The following MTSS1 variants were observed in gnomAD, a reference collection of about 807,000 sequenced individuals.
MTSS1 encodes MTSS I-BAR domain containing 1.
MTSS1 carries 18 observed loss-of-function variants against 79.0 expected under a neutral mutation model. The ratio of observed to expected loss-of-function variants is 0.23; its 90% CI spans 0.16 to 0.34. The LOEUF is 0.34. Ranked by LOEUF, MTSS1 falls within the 10% of genes least tolerant of loss-of-function variation. The pLI is 1.00. For synonymous variants in MTSS1, 341 were observed against 368.6 expected, an observed-to-expected ratio of 0.93 and a Z score of 0.86; for missense variants, 815 against 986.2, an observed-to-expected ratio of 0.83 and a Z score of 2.33.
Position 124,659,712 on chromosome 8 carries a change from C to A in MTSS1, c.208+39814G>T, listed in dbSNP as rs542913001. ...CAAGGGGACCATGTAATGTGCCTAG[C>A]ATTCATCCTGGATTCTCTACTCAAG... is the stretch of plus-strand genomic sequence containing the variant. On this transcript the variant is annotated intron_variant, in intron 3 of 13. Coordinates refer to ENST00000518547, the MANE Select transcript of MTSS1 (RefSeq NM_014751.6). Among the ~76,000 whole-genome samples, 3 of 152,280 alleles carry A rather than the reference C, an allele frequency of 2.0e-5. No individual in the cohort carries two copies. The South Asian group carries it at 6.2e-4, about 32-fold the overall frequency.
intron 9 of MTSS1, among the ~76,000 whole-genome samples, chr8:124,564,523 G>A (rs1825950968): frequency 1.3e-5 from 2 of 152,122 alleles, no homozygotes; most frequent in South Asian, 4.1e-4. Context: ...GGGACCGACA[G>A]TAAAGCTCAC....
rs1818512159 is a variant in MTSS1, at chr8:124,643,794, T to C, written c.209-52559A>G. On this transcript the variant is annotated intron_variant, in intron 3 of 13. Coordinates refer to ENST00000518547, the MANE Select transcript of MTSS1 (RefSeq NM_014751.6). ...TATTTAAAATAGTATGTACCCATTG[T>C]GTCTATAAATATTAGGAGAAAAGTA... Among the ~76,000 whole-genome samples, 3 of 152,004 alleles carry C rather than the reference T, an allele frequency of 2.0e-5. No individual in the cohort carries two copies. In the South Asian group the frequency reaches 6.2e-4, roughly 32 times the overall value.
intron 3 of MTSS1, among the ~76,000 whole-genome samples, chr8:124,644,979 T>C (rs1355115919): frequency 6.6e-6 from 1 of 152,188 alleles, no homozygotes; most frequent in Non-Finnish European, 1.5e-5. Context: ...GCCTACTATA[T>C]ATGTGGCATT....
rs566124936 is a variant in MTSS1, at chr8:124,698,092, C to T, written c.208+1434G>A. ...TCATTTTCCCCACTCAATTGTAAGC[C>T]GCTCCAGGACAAGGAGAGTCATATT... On this transcript the variant is annotated intron_variant, in intron 3 of 13. Transcript: ENST00000518547. 1.6e-4 allele frequency: 25 copies of T among 152,302 alleles called. No individual in the cohort carries two copies. The South Asian group carries it at 4.6e-3, about 28-fold the overall frequency. The allele number at this position is 152,302 out of a possible 1,614,324, so 9.4% of individuals were successfully genotyped here.
chr8:124,694,886 G>A (rs1373782990), intron 3 of MTSS1, among the ~76,000 whole-genome samples: 2 of 152,090 alleles, frequency 1.3e-5, no homozygotes, highest in Non-Finnish European at 2.9e-5. Flanking sequence ...AAAACAAATT[G>A]TATATTCATC....
At chr8:124,721,838 C>T (rs1216428638) in intron 1 of MTSS1, among the ~76,000 whole-genome samples, 1 of 152,186 alleles carries the variant, frequency 6.6e-6, no homozygotes, top group East Asian at 1.9e-4. Flanking sequence ...CAGGCAGCAG[C>T]ATCTCCAAGC....
rs183536427 is a variant in MTSS1 at position 124,647,964 on chromosome 8, C to T, written c.208+51562G>A. ...ACTCAATCTTAAAAACAAATGTCTC[C>T]AATCAACCTAGCGTTTCAAGAGTAG... On this transcript the variant is annotated intron_variant, in intron 3 of 13. Transcript: ENST00000518547. Among the ~76,000 whole-genome samples, 49 of 152,320 alleles carry T rather than the reference C, an allele frequency of 3.2e-4. No homozygotes were observed. The East Asian group carries it at 7.1e-3, about 22-fold the overall frequency.
chr8:124,585,855 T>A (rs1186619682), intron 5 of MTSS1, among the ~76,000 whole-genome samples: 2 of 152,068 alleles, frequency 1.3e-5, no homozygotes, highest in Non-Finnish European at 2.9e-5. Context: ...AAAACCCCTA[T>A]GTGGAAAAGA....
chr8:124,675,480 ATGTG>A (rs1037420795), intron 3 of MTSS1, among the ~76,000 whole-genome samples: 1 of 152,272 alleles, frequency 6.6e-6, no homozygotes, highest in Non-Finnish European at 1.5e-5. Context: ...CAGATTATGC[ATGTG>A]TGTGTTTTAT....
At chr8:124,584,547 G>T (rs572016672) in intron 6 of MTSS1, among the ~76,000 whole-genome samples, 1 of 152,174 alleles carries the variant, frequency 6.6e-6, no homozygotes, top group Non-Finnish European at 1.5e-5. Flanking sequence ...ACAAGGATGT[G>T]GGGGAAAGGC....
intron 1 of MTSS1, 152 bp from the exon 2 acceptor site, chr8:124,704,343 A>AT: frequency 1.4e-6 from 1 of 694,440 alleles, no homozygotes; most frequent in Non-Finnish European, 2.6e-6. Flanking sequence ...TTCTATATAC[A>AT]TGTATTGGCT....
intron 3 of MTSS1, among the ~76,000 whole-genome samples, chr8:124,610,203 G>T (rs1373191677): frequency 6.6e-6 from 1 of 152,052 alleles, no homozygotes; most frequent in Non-Finnish European, 1.5e-5. Flanking sequence ...TATTAGACAT[G>T]CACAAAAGAA....
Position 124,552,987 on chromosome 8 carries a change from T to G in MTSS1, c.*5A>C. 6.2e-7 allele frequency: 1 copy of G among 1,609,170 alleles called. No homozygotes were observed. Among genetic ancestry groups the G allele is most frequent in the Non-Finnish European group, 8.5e-7 (1 of 1,175,954 alleles). On this transcript the variant is annotated 3_prime_UTR_variant, in exon 14 of 14. Coordinates refer to ENST00000518547, the MANE Select transcript of MTSS1 (RefSeq NM_014751.6). ...TCATTCCCCACCGGCGCATTTCTTGTGAACCTAAGAAAAGCGAGGGGCTGA... is the reference window on the plus strand; with the variant it reads ...TCATTCCCCACCGGCGCATTTCTTGGGAACCTAAGAAAAGCGAGGGGCTGA...
chr8:124,686,252 C>T (rs1436517792), intron 3 of MTSS1, among the ~76,000 whole-genome samples: 7 of 152,180 alleles, frequency 4.6e-5, no homozygotes, highest in East Asian at 3.8e-4. Context: ...CTCTCCATCA[C>T]GCAGGGAGCG....
In MTSS1 at chr8:124,728,382, GCGGGTCAGCTCGCGGCGTC is replaced by G. The variant is rs1834032797; in HGVS notation, c.-446_-428del. The G allele has an allele frequency of 6.6e-6, 1 of 152,390 alleles. No homozygotes were observed. Among genetic ancestry groups the G allele is most frequent in the Non-Finnish European group, 1.5e-5 (1 of 68,324 alleles). 9.4% of individuals were successfully genotyped at this position (152,390 alleles called of 1,614,324 possible). On this transcript the variant is annotated 5_prime_UTR_variant, in exon 1 of 14. Transcript: ENST00000518547. The surrounding 1 kb of genome is among the most constrained non-coding windows in gnomAD (Gnocchi z 6.1). Reference sequence around the variant, plus strand: ...TAAAAAAAAATCGCCCAACAGCAGAGCGGGTCAGCTCGCGGCGTCCGGATCTGTTGCTCGCAGCTGCGGC... The same window carrying G: ...TAAAAAAAAATCGCCCAACAGCAGAGCGGATCTGTTGCTCGCAGCTGCGGC...
Position 124,686,209 on chromosome 8 carries a change from G to A in MTSS1, c.208+13317C>T, listed in dbSNP as rs537313736. Among the ~76,000 whole-genome samples, 37 of 152,240 alleles carry A rather than the reference G, an allele frequency of 2.4e-4. No homozygotes were observed. In the East Asian group the frequency reaches 2.9e-3, roughly 12 times the overall value. ...GAGCAGGCAGAGGGGGCCTGCAGCC[G>A]CCTCCCCATCCAGCTCCGCCTCCCT... is the stretch of plus-strand genomic sequence containing the variant. On this transcript the variant is annotated intron_variant, in intron 3 of 13. Transcript: ENST00000518547.
intron 3 of MTSS1, among the ~76,000 whole-genome samples, chr8:124,640,123 C>T (rs966168074): frequency 6.6e-6 from 1 of 152,182 alleles, no homozygotes; most frequent in African/African-American, 2.4e-5. Flanking sequence ...GAATGTCTGG[C>T]CTCCCCTAGG....
chr8:124,671,079 C>T (rs1455998112), intron 3 of MTSS1, among the ~76,000 whole-genome samples: 1 of 151,758 alleles, frequency 6.6e-6, no homozygotes, highest in Non-Finnish European at 1.5e-5. Flanking sequence ...CTTTGCATGC[C>T]AATGCCAATA....
intron 1 of MTSS1, among the ~76,000 whole-genome samples, chr8:124,707,286 C>T (rs1180552737): frequency 6.6e-6 from 1 of 151,052 alleles, no homozygotes; most frequent in African/African-American, 2.4e-5. Context: ...GTGGCTCACA[C>T]CTGTAATCCT....
Sources: gnomAD v4.1 joint callset for allele counts (sites outside exome capture counted in the v4.1 genomes callset) on GRCh38, gnomAD v4.1.1 for gene constraint, Gnocchi (gnomAD v3.1) non-coding constraint, MANE v1.5 for transcripts, NCBI Gene and HGNC (gene_info 2026-07-23, HGNC 2026-07-21) for gene names.